ZHX2: variants seen among roughly 807,000 people sequenced by gnomAD.
The protein encoded by ZHX2 is zinc fingers and homeoboxes protein 2.
Under a neutral mutation model 21.9 loss-of-function variants are expected in ZHX2, and 6 were observed. That is an observed-to-expected ratio of 0.27 (90% CI 0.15 to 0.54). ZHX2 has a LOEUF of 0.54. Among genes scored for constraint, ZHX2 ranks in the 20% least tolerant of loss-of-function variants. ZHX2 has a pLI of 0.95. For missense variants in ZHX2, 908 were observed against 1,090.7 expected (o/e 0.83, Z 2.36); for synonymous variants, 434 against 437.1 (o/e 0.99, Z 0.09).
intron 1 of ZHX2, among the ~76,000 whole-genome samples, chr8:122,824,644 T>C (rs1818224435): frequency 6.6e-6 from 1 of 152,218 alleles, no homozygotes; most frequent in Non-Finnish European, 1.5e-5. Context: ...CTGGTACCAA[T>C]ATAGGGCCGG....
rs1454180076 is a variant in ZHX2 at position 122,952,424 on chromosome 8, A to G, written c.914A>G (p.His305Arg). 1 of 1,614,234 alleles carries G rather than the reference A, an allele frequency of 6.2e-7. No individual in the cohort carries two copies. Among genetic ancestry groups the G allele is most frequent in the South Asian group, 1.1e-5 (1 of 91,090 alleles). ...LTAASKHPEE[H>R]IRIWFATQRL... is the part of the protein sequence containing the mutation. Reference sequence around the variant, plus strand: ...GCTGCCTCCAAACACCCAGAGGAGCACATCAGAATCTGGTTTGCCACCCAG... The same window carrying G: ...GCTGCCTCCAAACACCCAGAGGAGCGCATCAGAATCTGGTTTGCCACCCAG... Residue 305 changes from histidine to arginine, a missense_variant, in exon 3 of 4, where the codon CAC (histidine) becomes CGC (arginine). This residue lies in a region of ZHX2 where 232 missense variants were observed against 361.8 expected (regional missense o/e 0.64). Coordinates refer to ENST00000314393, the MANE Select transcript of ZHX2 (RefSeq NM_014943.5). This position sits in a 1 kb window ranked among gnomAD's most constrained non-coding sequence, Gnocchi z 6.9.
chr8:122,827,355 A>G (rs1181483304), intron 1 of ZHX2, among the ~76,000 whole-genome samples: 1 of 152,036 alleles, frequency 6.6e-6, no homozygotes, highest in Admixed American at 6.6e-5. Context: ...GCTTTTTTTT[A>G]ACTACCGAGG....
chr8:122,791,489 G>T (rs1199234747), intron 1 of ZHX2, among the ~76,000 whole-genome samples: 1 of 152,168 alleles, frequency 6.6e-6, no homozygotes, highest in Non-Finnish European at 1.5e-5. Flanking sequence ...AAAAATAAAG[G>T]CACTTCAAGG....
chr8:122,826,949 G>T (rs1387245765), intron 1 of ZHX2, among the ~76,000 whole-genome samples: 2 of 152,162 alleles, frequency 1.3e-5, no homozygotes, highest in Non-Finnish European at 2.9e-5. Flanking sequence ...GGTTGAACAG[G>T]GTTCCTAGGC....
chr8:122,921,343 C>T (rs1043379991), intron 2 of ZHX2, among the ~76,000 whole-genome samples: 2 of 152,112 alleles, frequency 1.3e-5, no homozygotes, highest in Admixed American at 6.5e-5. Flanking sequence ...CTCGGCCTCC[C>T]AAAGTGCTAG....
chr8:122,850,068 A>T (rs773124681), intron 1 of ZHX2, among the ~76,000 whole-genome samples: 2 of 152,186 alleles, frequency 1.3e-5, no homozygotes, highest in African/African-American at 4.8e-5. Flanking sequence ...TAGTACCTCT[A>T]TTAACCCCAA....
At chr8:122,966,880 G>A (rs756264118) in intron 3 of ZHX2, among the ~76,000 whole-genome samples, 9 of 152,016 alleles carry the variant, frequency 5.9e-5, no homozygotes, top group Non-Finnish European at 8.8e-5. Flanking sequence ...GTCAAGTTGG[G>A]TTAATTCAAA....
At chr8:122,838,913 A>G (rs568019625) in intron 1 of ZHX2, among the ~76,000 whole-genome samples, 1 of 152,290 alleles carries the variant, frequency 6.6e-6, no homozygotes, top group Non-Finnish European at 1.5e-5. Context: ...TAAATGAAAA[A>G]TGCAGGATTC....
At chr8:122,919,171 C>T (rs1820677731) in intron 2 of ZHX2, among the ~76,000 whole-genome samples, 1 of 152,184 alleles carries the variant, frequency 6.6e-6, no homozygotes, top group Non-Finnish European at 1.5e-5. Flanking sequence ...CTCGCTTCAT[C>T]CAGTTCTTCT....
intron 1 of ZHX2, among the ~76,000 whole-genome samples, chr8:122,838,909 A>G (rs548055925): frequency 6.6e-6 from 1 of 152,192 alleles, no homozygotes; most frequent in African/African-American, 2.4e-5. Flanking sequence ...ATGTTAAATG[A>G]AAAATGCAGG....
chr8:122,873,357 ACCCCACGTGCAGAAGTGTCAT>A (rs372141201), intron 2 of ZHX2, among the ~76,000 whole-genome samples: 2,403 of 152,108 alleles, frequency 0.016, 19 homozygotes, highest in South Asian at 0.029. Context: ...TAGCATGCTA[ACCCCACGTGCAGAAGTGTCAT>A]CTCCCCCGGG....
rs375035673 is a variant in ZHX2, at chr8:122,953,619, C to T, written c.2109C>T (p.His703=). ...QYQHQPMADD[H]GYDAVARKAT... is the part of the protein sequence containing the mutation. ...AGCACCAGCCCATGGCAGATGATCACGGCTACGATGCCGTAGCAAGGAAAG... is the reference window on the plus strand; with the variant it reads ...AGCACCAGCCCATGGCAGATGATCATGGCTACGATGCCGTAGCAAGGAAAG... Residue 703 remains histidine (H), a synonymous_variant, in exon 3 of 4, where the codon CAC becomes CAT. Coordinates refer to ENST00000314393, the MANE Select transcript of ZHX2 (RefSeq NM_014943.5). The surrounding 1 kb of genome is among the most constrained non-coding windows in gnomAD (Gnocchi z 4.6). 15 of 1,614,058 alleles carry T rather than the reference C, an allele frequency of 9.3e-6. No individual in the cohort carries two copies. The highest frequency in any genetic ancestry group is 2.2e-5 in the East Asian group (1 of 44,890).
At position 122,953,685 on chromosome 8, in the gene ZHX2, TGTG is replaced by T; in HGVS notation, c.2178_2180del (p.Val727del). ...CCGAGAGCCCAAAGAACGGGGGTGA[TGTG>T]GTTCCACAATATTACAAGGACCCCA... On this transcript the variant is annotated inframe_deletion, in exon 3 of 4. Transcript: ENST00000314393. The surrounding 1 kb of genome is among the most constrained non-coding windows in gnomAD (Gnocchi z 4.6). 1 of 1,614,160 alleles carries T rather than the reference TGTG, an allele frequency of 6.2e-7. No individual in the cohort carries two copies. The highest frequency in any genetic ancestry group is 8.5e-7 in the Non-Finnish European group (1 of 1,180,034).
chr8:122,788,823 A>G (rs1817454093), intron 1 of ZHX2, among the ~76,000 whole-genome samples: 1 of 152,200 alleles, frequency 6.6e-6, no homozygotes, highest in Non-Finnish European at 1.5e-5. Context: ...ATAGGGGTGC[A>G]TGCCTTCCTG....
chr8:122,930,046 AGCGG>A (rs1820946438), intron 2 of ZHX2, among the ~76,000 whole-genome samples: 1 of 152,192 alleles, frequency 6.6e-6, no homozygotes, highest in Non-Finnish European at 1.5e-5. Context: ...AACAGCACAG[AGCGG>A]GTGTAATGAA....
chr8:122,973,043 G>A (rs540485554), intron 3 of ZHX2, among the ~76,000 whole-genome samples, 199 bp from the exon 4 acceptor site: 2 of 152,282 alleles, frequency 1.3e-5, no homozygotes, highest in South Asian at 4.2e-4. Flanking sequence ...GGCGGACTGT[G>A]CTCAGAAAAC....
chr8:122,872,795 C>T (rs200908140), intron 2 of ZHX2, among the ~76,000 whole-genome samples: 9 of 152,222 alleles, frequency 5.9e-5, no homozygotes, highest in East Asian at 3.8e-4. Flanking sequence ...CCTGGCTTTG[C>T]GCCCAGCTGG....
chr8:122,962,552 T>A (rs559509854), intron 3 of ZHX2, among the ~76,000 whole-genome samples: 2 of 152,330 alleles, frequency 1.3e-5, no homozygotes, highest in South Asian at 4.1e-4. Context: ...TCGTTACATA[T>A]TTTTGCAACT....
intron 2 of ZHX2, among the ~76,000 whole-genome samples, chr8:122,882,202 G>A (rs1028351234): frequency 6.6e-6 from 1 of 151,406 alleles, no homozygotes; most frequent in Admixed American, 6.6e-5. Flanking sequence ...CTCTTTTTTT[G>A]GCCACATTTC....
Sources: gnomAD v4.1 joint callset for allele counts (sites outside exome capture counted in the v4.1 genomes callset) on GRCh38, gnomAD v4.1.1 for gene constraint, gnomAD v4.1.1 regional missense constraint, Gnocchi (gnomAD v3.1) non-coding constraint, MANE v1.5 for transcripts, NCBI Gene and HGNC (gene_info 2026-07-23, HGNC 2026-07-21) for gene names.